Variants in FAT1 observed in about 807,000 individuals in gnomAD.
The protein encoded by FAT1 is FAT atypical cadherin 1, also known as protocadherin Fat 1.
In FAT1, 171 loss-of-function variants were observed where a neutral mutation model predicts 329.8. That is an observed-to-expected ratio of 0.52 (90% CI 0.46 to 0.59). The LOEUF is 0.59. Among genes scored for constraint, FAT1 ranks in the 20% least tolerant of loss-of-function variants. The pLI is 0.00. For synonymous variants in FAT1, 2,233 were observed against 2,228.6 expected, an observed-to-expected ratio of 1.00 and a Z score of -0.06; for missense variants, 5,672 against 5,774.4, an observed-to-expected ratio of 0.98 and a Z score of 0.57.
chr4:186,660,275 C>CA (rs1477460773), intron 3 of FAT1, among the ~76,000 whole-genome samples: 3 of 152,124 alleles, frequency 2.0e-5, no homozygotes, highest in African/African-American at 7.2e-5. Flanking sequence ...GAAGACGAGG[C>CA]ATGTGTACTT....
In FAT1 at chr4:186,594,654, G is replaced by GTA. The variant is rs376797587; in HGVS notation, c.13138+1033_13138+1034dup. Among the ~76,000 whole-genome samples the GTA allele has an allele frequency of 3.4e-3, 393 of 116,560 alleles. 2 individuals carry two copies. Among genetic ancestry groups the GTA allele is most frequent in the African/African-American group, 0.011 (313 of 29,314 alleles). The allele number at this position is 116,560 out of a possible 152,430, so 76.5% of individuals were successfully genotyped here. A position where few individuals can be genotyped will look rare whatever the true frequency, so the allele number is the denominator to read the frequency against. On this transcript the variant is annotated intron_variant, in intron 26 of 26. Transcript: ENST00000441802. ...CCTGTGTTGATTAGGAATAGAGTGT[G>GTA]TATATATATATATACTTGAAAGTAT...
At chr4:186,682,556 A>G (rs115603900) in intron 2 of FAT1, among the ~76,000 whole-genome samples, 4,050 of 151,826 alleles carry the variant, frequency 0.027, 182 homozygotes, top group African/African-American at 0.094. Flanking sequence ...AAAGTTGTAA[A>G]TGTTTCTAAC....
At position 186,707,144 on chromosome 4, in the gene FAT1, A is replaced by G. The variant is rs748807574; in HGVS notation, c.2684T>C (p.Ile895Thr). The change falls in exon 2 of 27, where the codon ATT becomes ACT. Residue 895 changes from isoleucine (I) to threonine (T), a missense_variant. Around this residue, in one of 2 missense-constraint regions of FAT1, gnomAD observed 3,966 missense variants for 3,915.2 expected, o/e 1.01. Coordinates refer to ENST00000441802, the MANE Select transcript of FAT1 (RefSeq NM_005245.4). ...RELQHEHSLK[I>T]EARDQAREEP... is the part of the protein sequence containing the mutation. ...TTCTCTGGCTTGGTCCCTGGCCTCA[A>G]TCTTTAAGGAGTGCTCATGCTGCAG... 3.0e-5 allele frequency: 49 copies of G among 1,613,798 alleles called. No individual in the cohort carries two copies. Among genetic ancestry groups the G allele is most frequent in the African/African-American group, 9.3e-5 (7 of 74,932 alleles).
chr4:186,633,612 G>T (rs1740689500), intron 7 of FAT1, 72 bp downstream of exon 7: 2 of 1,541,054 alleles, frequency 1.3e-6, no homozygotes, highest in Non-Finnish European at 1.8e-6. Context: ...CGCTCATATT[G>T]CCCGTGGACC....
At position 186,620,960 on chromosome 4, in the gene FAT1, G is replaced by T. The variant is rs940989078; in HGVS notation, c.5626C>A (p.Pro1876Thr). ...TATAATGGCTTGGCAAACACAGGGG[G>T]GCAGTCATTAATGTCAATTACATGT... The part of the protein sequence containing the change: ...TVHVIDINDC[P>T]PVFAKPLYEA... The change falls in exon 10 of 27, where the codon CCC becomes ACC. Residue 1876 changes from proline to threonine, a missense_variant. Coordinates refer to ENST00000441802, the MANE Select transcript of FAT1 (RefSeq NM_005245.4). 2 of 1,613,742 alleles carry T rather than the reference G, an allele frequency of 1.2e-6. No homozygotes were observed. Among genetic ancestry groups the T allele is most frequent in the Middle Eastern group, 1.6e-4 (1 of 6,062 alleles).
intron 13 of FAT1, 33 bp from the exon 14 acceptor site, chr4:186,611,808 T>C: frequency 6.7e-7 from 1 of 1,494,630 alleles, no homozygotes; most frequent in Non-Finnish European, 8.9e-7. Context: ...CAAAAGATTT[T>C]AAATAAAAAA....
Position 186,708,103 on chromosome 4 carries a change from T to C in FAT1, c.1725A>G (p.Glu575=), listed in dbSNP as rs772541257. The change falls in exon 2 of 27, where the codon GAA becomes GAG. Residue 575 remains glutamate (E), a synonymous_variant. Coordinates refer to ENST00000441802, the MANE Select transcript of FAT1 (RefSeq NM_005245.4). ...NTPLFEKINC[E]GTIPRDLGVG... ...CGCCTAGATCTCTGGGAATTGTCCC[T>C]TCACAATTTATTTTCTCAAACAAAG... The C allele has an allele frequency of 1.2e-6, 2 of 1,613,982 alleles. No individual in the cohort carries two copies. Among genetic ancestry groups the C allele is most frequent in the Non-Finnish European group, 1.7e-6 (2 of 1,179,870 alleles).
At chr4:186,662,735 T>C (rs948212034) in intron 3 of FAT1, among the ~76,000 whole-genome samples, 3 of 152,212 alleles carry the variant, frequency 2.0e-5, no homozygotes, top group African/African-American at 7.2e-5. Context: ...ATTACTGAAA[T>C]AACAATGTTT....
intron 1 of FAT1, among the ~76,000 whole-genome samples, chr4:186,710,637 A>G (rs1256867265): frequency 6.6e-6 from 1 of 152,202 alleles, no homozygotes. Context: ...TTTACCAACT[A>G]TATCAATGTT....
chr4:186,624,312 A>G (rs1693061583), intron 9 of FAT1, among the ~76,000 whole-genome samples: 1 of 152,136 alleles, frequency 6.6e-6, no homozygotes, highest in Admixed American at 6.5e-5. Context: ...ATTACACAGA[A>G]CTGTGAAGGG....
intron 1 of FAT1, among the ~76,000 whole-genome samples, chr4:186,710,138 A>G (rs1053886542): frequency 6.6e-6 from 1 of 152,200 alleles, no homozygotes; most frequent in African/African-American, 2.4e-5. Flanking sequence ...AAGGCTACTA[A>G]CTGTAACAAC....
intron 5 of FAT1, 46 bp from the exon 6 acceptor site, chr4:186,636,281 T>C (rs1740813242): frequency 6.4e-7 from 1 of 1,551,178 alleles, no homozygotes; most frequent in East Asian, 2.2e-5. Context: ...AATCAGGAGT[T>C]ACAACCCAGA....
chr4:186,596,394 C>T lies in FAT1; in HGVS notation c.13000+146G>A. The T allele has an allele frequency of 1.2e-6, 1 of 826,612 alleles. No individual in the cohort carries two copies. The highest frequency in any genetic ancestry group is 1.8e-6 in the Non-Finnish European group (1 of 544,882). 51.2% of individuals were successfully genotyped at this position (826,612 alleles called of 1,614,324 possible). A position where few individuals can be genotyped will look rare whatever the true frequency, so the allele number is the denominator to read the frequency against. On this transcript the variant is annotated intron_variant, in intron 25 of 26. Transcript: ENST00000441802. This position sits in a 1 kb window ranked among gnomAD's most constrained non-coding sequence, Gnocchi z 4.7. ...AATGCTAACCCAGCAATCGGGACAT[C>T]CAAAAAAGTTTCAAATCATCATACG...
intron 11 of FAT1, among the ~76,000 whole-genome samples, chr4:186,615,218 A>C (rs1042942547): frequency 6.6e-6 from 1 of 152,172 alleles, no homozygotes; most frequent in Non-Finnish European, 1.5e-5. Context: ...CAGTTGCTGT[A>C]AGAGAGAGAG....
intron 3 of FAT1, among the ~76,000 whole-genome samples, chr4:186,642,428 C>T (rs1307945532): frequency 1.3e-5 from 2 of 152,138 alleles, no homozygotes; most frequent in Admixed American, 6.5e-5. Flanking sequence ...GCTATCTCTC[C>T]GTCATCCTCA....
intron 2 of FAT1, among the ~76,000 whole-genome samples, chr4:186,679,107 A>G (rs371683953): frequency 2.6e-5 from 4 of 152,124 alleles, no homozygotes; most frequent in South Asian, 2.1e-4. Flanking sequence ...TGGGCTGGGC[A>G]CGGTGGCTCA....
chr4:186,630,018 C>T (rs1740514408), intron 7 of FAT1, among the ~76,000 whole-genome samples: 1 of 152,186 alleles, frequency 6.6e-6, no homozygotes, highest in Non-Finnish European at 1.5e-5. Context: ...GCTCCAAGCT[C>T]AAGCATTATT....
chr4:186,709,495 T>C lies in FAT1; in HGVS notation c.333A>G (p.Glu111=), dbSNP rs753551939. ...CTATCAATGTGTAGTGATCCTTCAC[T>C]TCTCTATTAAGAATAGCTGTATTTC... The part of the protein sequence containing the change: ...KGGNTAILNR[E]VKDHYTLIVK... The change falls in exon 2 of 27, where the codon GAA becomes GAG. Residue 111 remains glutamate (E), a synonymous_variant. Transcript: ENST00000441802. The C allele has an allele frequency of 6.2e-7, 1 of 1,614,036 alleles. No homozygotes were observed. The highest frequency in any genetic ancestry group is 8.5e-7 in the Non-Finnish European group (1 of 1,179,900).
At chr4:186,634,309 TGAAAA>T (rs1479242465) in intron 6 of FAT1, among the ~76,000 whole-genome samples, 1 of 152,220 alleles carries the variant, frequency 6.6e-6, no homozygotes, top group Admixed American at 6.5e-5. Context: ...ATAAACTATT[TGAAAA>T]GAATTTTTTT....
Sources: allele counts gnomAD v4.1 joint callset (sites outside exome capture counted in the v4.1 genomes callset), GRCh38; gene constraint gnomAD v4.1.1; regional missense constraint gnomAD v4.1.1; non-coding constraint Gnocchi (gnomAD v3.1); transcripts MANE v1.5; gene names NCBI Gene and HGNC (gene_info 2026-07-23, HGNC 2026-07-21).